Variants in BAHCC1 observed in about 807,000 individuals in gnomAD.
BAHCC1 encodes BAH and coiled-coil domain-containing protein 1.
Under a neutral mutation model 88.2 loss-of-function variants are expected in BAHCC1, and 43 were observed. The ratio of observed to expected loss-of-function variants is 0.49; its 90% CI spans 0.38 to 0.63. The LOEUF (loss-of-function observed/expected upper bound fraction) is 0.63. Ranked by LOEUF, BAHCC1 falls within the 20% of genes least tolerant of loss-of-function variation. The pLI, the probability that BAHCC1 is intolerant of heterozygous loss-of-function variation, is 0.00. For synonymous variants in BAHCC1, 1,510 were observed against 745.5 expected (o/e 2.03, Z -16.71); for missense variants, 3,023 against 1,654.8 (o/e 1.83, Z -14.34).
intron 2 of BAHCC1, chr17:81,407,376 C>T (rs781886014): frequency 9.6e-6 from 5 of 519,966 alleles, no homozygotes; most frequent in Admixed American, 1.9e-5. Flanking sequence ...CAAGGGAAGT[C>T]GGGTCTCAGT....
Position 81,443,523 on chromosome 17 carries a change from C to G in BAHCC1, c.2174C>G (p.Thr725Ser). Residue 725 changes from threonine (T) to serine (S), a missense_variant, in exon 5 of 28, where the codon ACC becomes AGC. Transcript: ENST00000675386. ...TVSRSEAAYG[T>S]NTARQGRAAP... ...AGCCGGTCTGAGGCAGCCTACGGCA[C>G]CAACACTGCGCGGCAGGGCCGGGCC... The G allele has an allele frequency of 1.5e-6, 1 of 680,044 alleles. No homozygotes were observed. Among genetic ancestry groups the G allele is most frequent in the South Asian group, 1.6e-5 (1 of 64,084 alleles). 42.1% of individuals were successfully genotyped at this position (680,044 alleles called of 1,614,324 possible). A position where few individuals can be genotyped will look rare whatever the true frequency, so the allele number is the denominator to read the frequency against.
chr17:81,410,674 G>A (rs1466529513), intron 2 of BAHCC1, among the ~76,000 whole-genome samples: 5 of 152,184 alleles, frequency 3.3e-5, no homozygotes, highest in Admixed American at 1.3e-4. Context: ...CCCAGGTGCT[G>A]GGGGGCCTTC....
At chr17:81,422,839 G>T in intron 2 of BAHCC1, 2 of 396,460 alleles carry the variant, frequency 5.0e-6, no homozygotes, top group East Asian at 9.0e-5. Flanking sequence ...GGAGGGTGTG[G>T]GGGTGGGAAG....
rs868916723 is a variant in BAHCC1, at chr17:81,442,503, G to A, written c.1154G>A (p.Arg385Gln). Residue 385 changes from arginine to glutamine, a missense_variant, in exon 5 of 28, where the codon CGG (arginine) becomes CAG (glutamine). By Grantham distance (43) the Arg-to-Gln change is conservative. Transcript: ENST00000675386. ...GLCPLQDKAP[R>Q]DLKASGPTFV... is the part of the protein sequence containing the mutation. The stretch of plus-strand genomic sequence containing the variant: ...TGCCCGCTGCAGGACAAAGCCCCCC[G>A]GGACCTAAAGGCCAGCGGGCCCACC... 12 of 718,790 alleles carry A rather than the reference G, an allele frequency of 1.7e-5. No homozygotes were observed. The highest frequency in any genetic ancestry group is 2.5e-5 in the East Asian group (1 of 39,296). The allele number at this position is 718,790 out of a possible 1,614,324, so 44.5% of individuals were successfully genotyped here.
chr17:81,411,510 G>GCCTT lies in BAHCC1; in HGVS notation c.178+11596_178+11597insTCCT, dbSNP rs2063951961. On this transcript the variant is annotated intron_variant, in intron 2 of 27. Transcript: ENST00000675386. The surrounding 1 kb of genome is among the most constrained non-coding windows in gnomAD (Gnocchi z 6.2). Reference sequence around the variant, plus strand: ...TGCCTGCCTGCCTGCCTGCCTGCCTGCCTGCCTTCCTTCCTTCCTTCCTTC... The same window carrying GCCTT: ...TGCCTGCCTGCCTGCCTGCCTGCCTGCCTTCCTGCCTTCCTTCCTTCCTTCCTTC... 3.2e-4 allele frequency: 76 copies of GCCTT among 241,052 alleles called. No individual in the cohort carries two copies. Among genetic ancestry groups the GCCTT allele is most frequent in the African/African-American group, 1.2e-3 (29 of 25,208 alleles). The allele number at this position is 241,052 out of a possible 1,614,324, so 14.9% of individuals were successfully genotyped here.
intron 2 of BAHCC1, among the ~76,000 whole-genome samples, chr17:81,425,621 G>A (rs1359922958): frequency 4.0e-5 from 6 of 151,344 alleles, no homozygotes; most frequent in Non-Finnish European, 7.4e-5. Flanking sequence ...TGATAGTGGT[G>A]GGTGATGTGG....
chr17:81,411,021 G>C lies in BAHCC1; in HGVS notation c.178+11104G>C. The C allele has an allele frequency of 1.9e-6, 1 of 515,352 alleles. No homozygotes were observed. Among genetic ancestry groups the C allele is most frequent in the Non-Finnish European group, 3.9e-6 (1 of 258,340 alleles). The allele number at this position is 515,352 out of a possible 1,614,324, so 31.9% of individuals were successfully genotyped here. On this transcript the variant is annotated intron_variant, in intron 2 of 27. Transcript: ENST00000675386. The surrounding 1 kb of genome is among the most constrained non-coding windows in gnomAD (Gnocchi z 6.2). The stretch of plus-strand genomic sequence containing the variant: ...GCACCTGGGTCTTTGTTGTCCATAT[G>C]TCTGTGTGAAGGCCTGGGGCCCCCG...
chr17:81,420,244 C>G (rs2064100129), intron 2 of BAHCC1, among the ~76,000 whole-genome samples: 1 of 152,226 alleles, frequency 6.6e-6, no homozygotes, highest in African/African-American at 2.4e-5. Flanking sequence ...TGGCAGGAGG[C>G]AGGCTAGTTC....
In BAHCC1 at chr17:81,461,127, C is replaced by A. The variant is rs2030218757; in HGVS notation, c.6464C>A (p.Ala2155Asp). The A allele has an allele frequency of 2.6e-6, 2 of 763,646 alleles. No homozygotes were observed. The highest frequency in any genetic ancestry group is 4.8e-6 in the Non-Finnish European group (2 of 416,096). The allele number at this position is 763,646 out of a possible 1,614,324, so 47.3% of individuals were successfully genotyped here. A position where few individuals can be genotyped will look rare whatever the true frequency, so the allele number is the denominator to read the frequency against. The part of the protein sequence containing the change: ...ATPIFGNGFR[A>D]DSFSSLASSY... ...CCCATATTTGGCAACGGCTTCCGCG[C>A]CGACTCCTTCAGCAGCCTGGCCAGC... The change falls in exon 26 of 28, where the codon GCC (alanine) becomes GAC (aspartate). Residue 2155 changes from alanine to aspartate, a missense_variant. Transcript: ENST00000675386.
Position 81,419,788 on chromosome 17 carries a change from C to CTTTTTTTTTTTTTTT in BAHCC1, c.179-7012_179-7011insTTTTTTTTTTTTTTT, listed in dbSNP as rs781909536. ...TGGAGCTGCCGCCATCTCAACGAGG[C>CTTTTTTTTTTTTTTT]GTTTTTTTTTTTTTTTTTTTTTACA... is the stretch of plus-strand genomic sequence containing the variant. On this transcript the variant is annotated intron_variant, in intron 2 of 27. Coordinates refer to ENST00000675386, the MANE Select transcript of BAHCC1 (RefSeq NM_001377448.1). Among the ~76,000 whole-genome samples the CTTTTTTTTTTTTTTT allele has an allele frequency of 2.0e-5, 2 of 102,310 alleles. 1 individual carries two copies. The highest frequency in any genetic ancestry group is 3.9e-5 in the Non-Finnish European group (2 of 50,710). 67.1% of individuals were successfully genotyped at this position (102,310 alleles called of 152,430 possible).
Position 81,434,175 on chromosome 17 carries a change from G to T in BAHCC1, c.359-4195G>T, listed in dbSNP as rs1273140469. On this transcript the variant is annotated intron_variant, in intron 3 of 27. Coordinates refer to ENST00000675386, the MANE Select transcript of BAHCC1 (RefSeq NM_001377448.1). This position sits in a 1 kb window ranked among gnomAD's most constrained non-coding sequence, Gnocchi z 4.9. ...TTCTGAGCCAGGAGGATGGGCCCTC[G>T]CTGGACAGTGGGTATTTGAGACAGT... 6.6e-6 allele frequency among the ~76,000 whole-genome samples: 1 copy of T among 152,156 alleles called. No homozygotes were observed. The highest frequency in any genetic ancestry group is 1.5e-5 in the Non-Finnish European group (1 of 68,018).
chr17:81,420,586 C>T (rs980410337), intron 2 of BAHCC1, among the ~76,000 whole-genome samples: 1 of 152,244 alleles, frequency 6.6e-6, no homozygotes, highest in South Asian at 2.1e-4. Context: ...TGCTGTCTCC[C>T]GAAACCATTT....
intron 4 of BAHCC1, among the ~76,000 whole-genome samples, chr17:81,439,385 C>CAGGG: frequency 6.6e-6 from 1 of 151,654 alleles, no homozygotes; most frequent in Non-Finnish European, 1.5e-5. Context: ...AGATTGGGGG[C>CAGGG]AGGGAGGGAT....
Position 81,457,516 on chromosome 17 carries a change from G to A in BAHCC1, c.4965G>A (p.Gly1655=). 1 of 755,866 alleles carries A rather than the reference G, an allele frequency of 1.3e-6. No homozygotes were observed. Among genetic ancestry groups the A allele is most frequent in the Non-Finnish European group, 2.5e-6 (1 of 406,478 alleles). 46.8% of individuals were successfully genotyped at this position (755,866 alleles called of 1,614,324 possible). ...CCGGGGCCAGTGTGGCCGTGCTGGGGCCCTCACCCTCCTCTGTGGTCAAGA... is the reference window on the plus strand; with the variant it reads ...CCGGGGCCAGTGTGGCCGTGCTGGGACCCTCACCCTCCTCTGTGGTCAAGA... The part of the protein sequence containing the change: ...LHTGASVAVL[G]PSPSSVVKME... The change falls in exon 17 of 28, where the codon GGG becomes GGA. Residue 1655 remains glycine, a synonymous_variant. Transcript: ENST00000675386.
Position 81,443,424 on chromosome 17 carries a change from C to A in BAHCC1, c.2075C>A (p.Thr692Lys). The A allele has an allele frequency of 1.3e-6, 1 of 761,180 alleles. No homozygotes were observed. The highest frequency in any genetic ancestry group is 2.4e-6 in the Non-Finnish European group (1 of 409,332). The allele number at this position is 761,180 out of a possible 1,614,324, so 47.2% of individuals were successfully genotyped here. Residue 692 changes from threonine (T) to lysine (K), a missense_variant, in exon 5 of 28, where the codon ACG (threonine) becomes AAG (lysine). Transcript: ENST00000675386. ...GCCCGCAGCAGGGAGCACGACACCA[C>A]GCACGGCGACGGGGAGGTGCGGCAG... The part of the protein sequence containing the change: ...DCARSREHDT[T>K]HGDGEVRQPP...
At chr17:81,420,529 G>A (rs1162783057) in intron 2 of BAHCC1, among the ~76,000 whole-genome samples, 2 of 152,252 alleles carry the variant, frequency 1.3e-5, no homozygotes, top group Non-Finnish European at 2.9e-5. Flanking sequence ...ATGGGGCTGT[G>A]CCCGAGGACC....
intron 11 of BAHCC1, among the ~76,000 whole-genome samples, chr17:81,450,935 C>T (rs532314770): frequency 1.3e-5 from 2 of 152,302 alleles, no homozygotes; most frequent in East Asian, 1.9e-4. Context: ...GGGGACTTGT[C>T]CCCTCCCTCT....
intron 26 of BAHCC1, 72 bp downstream of exon 26, chr17:81,462,118 G>A: frequency 4.6e-6 from 3 of 653,606 alleles, no homozygotes; most frequent in Non-Finnish European, 8.3e-6. Context: ...CGCCCCTGCT[G>A]CCCTTCCCTC....
rs782596582 is a variant in BAHCC1, at chr17:81,460,638, C to A, written c.6134C>A (p.Pro2045His). 1.3e-6 allele frequency: 1 copy of A among 771,942 alleles called. No individual in the cohort carries two copies. Among genetic ancestry groups the A allele is most frequent in the Admixed American group, 1.7e-5 (1 of 57,866 alleles). The allele number at this position is 771,942 out of a possible 1,614,324, so 47.8% of individuals were successfully genotyped here. The change falls in exon 25 of 28, where the codon CCC (proline) becomes CAC (histidine). Residue 2045 changes from proline (P) to histidine (H), a missense_variant. Coordinates refer to ENST00000675386, the MANE Select transcript of BAHCC1 (RefSeq NM_001377448.1). ...GAAGCCGCCACCCCCAGCCTGTCCC[C>A]CAAAGCACAGGACGGCCCCGAAGCT... ...PSEAATPSLS[P>H]KAQDGPEALK...
Sources: gnomAD v4.1 joint callset for allele counts (sites outside exome capture counted in the v4.1 genomes callset) on GRCh38, gnomAD v4.1.1 for gene constraint, Gnocchi (gnomAD v3.1) non-coding constraint, MANE v1.5 for transcripts, NCBI Gene and HGNC (gene_info 2026-07-23, HGNC 2026-07-21) for gene names.